The following DPP6 variants were observed in gnomAD, a reference collection of about 807,000 sequenced individuals.
The protein encoded by DPP6 is dipeptidyl peptidase like 6.
Under a neutral mutation model 122.6 loss-of-function variants are expected in DPP6, and 69 were observed. The observed-to-expected ratio is 0.56, with a 90% CI of 0.46 to 0.69. The LOEUF (loss-of-function observed/expected upper bound fraction) is 0.69. Ranked by LOEUF, DPP6 falls within the 30% of genes least tolerant of loss-of-function variation. DPP6 has a pLI of 0.00. For synonymous variants in DPP6, 418 were observed against 433.1 expected (o/e 0.97, Z 0.43); for missense variants, 928 against 1,116.9 (o/e 0.83, Z 2.41).
At chr7:154,417,951 G>T (rs180699299) in intron 1 of DPP6, among the ~76,000 whole-genome samples, 5 of 152,314 alleles carry the variant, frequency 3.3e-5, no homozygotes, top group Middle Eastern at 3.4e-3. Context: ...AATCATTTGT[G>T]TCTCTCCATG....
chr7:154,237,445 A>C lies in DPP6; in HGVS notation c.243+184382A>C, dbSNP rs1042516450. ...GTCTGACACCCAGTGTTAGGTTTAC[A>C]GTGTGCTGTGGGCCATTCATCTGGG... is the stretch of plus-strand genomic sequence containing the variant. On this transcript the variant is annotated intron_variant, in intron 1 of 25. Coordinates refer to ENST00000377770, the MANE Select transcript of DPP6 (RefSeq NM_130797.4). Among the ~76,000 whole-genome samples, 3 of 152,332 alleles carry C rather than the reference A, an allele frequency of 2.0e-5. 1 individual carries two copies. In the Middle Eastern group the frequency reaches 0.01, roughly 518 times the overall value.
chr7:154,782,847 G>T (rs897141454), intron 10 of DPP6, among the ~76,000 whole-genome samples: 1 of 152,006 alleles, frequency 6.6e-6, no homozygotes, highest in African/African-American at 2.4e-5. Flanking sequence ...GCAGTGGCAT[G>T]ATCTCGGCTC....
At chr7:154,767,513 G>A (rs896202480) in intron 8 of DPP6, among the ~76,000 whole-genome samples, 12 of 152,120 alleles carry the variant, frequency 7.9e-5, no homozygotes, top group African/African-American at 2.4e-4. Context: ...CTGCCAAAGC[G>A]ACTGGAAAAT....
At chr7:154,734,760 T>G (rs187165486) in intron 8 of DPP6, among the ~76,000 whole-genome samples, 12 of 152,342 alleles carry the variant, frequency 7.9e-5, no homozygotes, top group African/African-American at 2.6e-4. Flanking sequence ...AAACAAAAGC[T>G]TCACCACGTA....
chr7:154,127,654 C>CAG (rs1563226065), intron 1 of DPP6, among the ~76,000 whole-genome samples: 206 of 140,780 alleles, frequency 1.5e-3, no homozygotes, highest in African/African-American at 5.2e-3. Flanking sequence ...CACACACAGA[C>CAG]ACACACACAC....
In DPP6 at chr7:154,474,943, A is replaced by C; in HGVS notation, c.363A>C (p.Glu121Asp). The C allele has an allele frequency of 6.2e-7, 1 of 1,612,680 alleles. No homozygotes were observed. The highest frequency in any genetic ancestry group is 2.2e-5 in the East Asian group (1 of 44,878). Residue 121 changes from glutamate (E) to aspartate (D), a missense_variant, in exon 3 of 26, where the codon GAA becomes GAC. Coordinates refer to ENST00000377770, the MANE Select transcript of DPP6 (RefSeq NM_130797.4). ...VTSVILLTPA[E>D]DNSLSQKKKV... is the part of the protein sequence containing the mutation. The stretch of plus-strand genomic sequence containing the variant: ...TTGCTTTTTATTTTTTTCTAGCGGA[A>C]GATAATAGTCTGTCTCAAAAGAAGA...
In DPP6 at chr7:154,138,049, A is replaced by G. The variant is rs148542429; in HGVS notation, c.243+84986A>G. Among the ~76,000 whole-genome samples the G allele has an allele frequency of 5.4e-3, 825 of 152,318 alleles. 8 individuals carry two copies. Among genetic ancestry groups the G allele is most frequent in the South Asian group, 0.012 (60 of 4,828 alleles). On this transcript the variant is annotated intron_variant, in intron 1 of 25. Transcript: ENST00000377770. The stretch of plus-strand genomic sequence containing the variant: ...CAGAAAAACATAGACCAGTGTTCCT[A>G]AGATGCCAGCCTGGCTTCTGCTCCC...
chr7:154,286,123 C>A (rs1804832034), intron 1 of DPP6, among the ~76,000 whole-genome samples: 1 of 152,132 alleles, frequency 6.6e-6, no homozygotes, highest in East Asian at 1.9e-4. Context: ...GAAGAGATTC[C>A]ATTTTCCCAA....
chr7:154,241,514 C>T lies in DPP6; in HGVS notation c.243+188451C>T, dbSNP rs1029339760. Among the ~76,000 whole-genome samples, 5 of 151,954 alleles carry T rather than the reference C, an allele frequency of 3.3e-5. No individual in the cohort carries two copies. The highest frequency in any genetic ancestry group is 1.2e-4 in the African/African-American group (5 of 41,330). Reference sequence around the variant, plus strand: ...GAAGGAGGTTGCAGTGAGTTGTGGTCACTCCACTGCACTGCAGCCTGAGTA... The same window carrying T: ...GAAGGAGGTTGCAGTGAGTTGTGGTTACTCCACTGCACTGCAGCCTGAGTA... On this transcript the variant is annotated intron_variant, in intron 1 of 25. Transcript: ENST00000377770. This position sits in a 1 kb window ranked among gnomAD's most constrained non-coding sequence, Gnocchi z 9.0.
intron 1 of DPP6, among the ~76,000 whole-genome samples, chr7:154,294,131 C>G (rs78107797): frequency 0.061 from 9,306 of 152,246 alleles, 399 homozygotes; most frequent in Admixed American, 0.14. Flanking sequence ...GATGGGCAAC[C>G]CTTTATCTTA....
intron 25 of DPP6, chr7:154,890,543 C>T (rs1806510597): frequency 6.6e-6 from 1 of 152,200 alleles, no homozygotes; most frequent in South Asian, 2.1e-4. Context: ...ATGGACGCTC[C>T]AAAGGTCCAT....
chr7:154,288,080 C>A (rs147576818), intron 1 of DPP6, among the ~76,000 whole-genome samples: 6 of 152,312 alleles, frequency 3.9e-5, no homozygotes, highest in African/African-American at 1.4e-4. Flanking sequence ...TCTGGTTGTT[C>A]CCCGCAGTCA....
chr7:154,063,870 A>T (rs1407608678), intron 1 of DPP6, among the ~76,000 whole-genome samples: 1 of 151,516 alleles, frequency 6.6e-6, no homozygotes, highest in Non-Finnish European at 1.5e-5. Flanking sequence ...CCTAATAAAA[A>T]AGACAGTGAA....
chr7:154,311,581 G>A (rs1806894720), intron 1 of DPP6, among the ~76,000 whole-genome samples: 1 of 152,160 alleles, frequency 6.6e-6, no homozygotes, highest in East Asian at 1.9e-4. Flanking sequence ...TCTGCATGTG[G>A]CTGATATCCT....
At chr7:154,447,440 C>T (rs1819979065) in intron 2 of DPP6, among the ~76,000 whole-genome samples, 1 of 152,018 alleles carries the variant, frequency 6.6e-6, no homozygotes, top group Non-Finnish European at 1.5e-5. Context: ...TTTTAATTCT[C>T]AGTAAATACA....
At chr7:154,710,446 A>C (rs1015818651) in intron 7 of DPP6, among the ~76,000 whole-genome samples, 3 of 152,266 alleles carry the variant, frequency 2.0e-5, no homozygotes, top group African/African-American at 7.2e-5. Context: ...TCTGAGTGCC[A>C]GAGTGTTTCT....
chr7:154,406,201 G>T (rs930133470), intron 1 of DPP6, among the ~76,000 whole-genome samples: 1 of 152,150 alleles, frequency 6.6e-6, no homozygotes, highest in Non-Finnish European at 1.5e-5. Flanking sequence ...CCAGAAGTTT[G>T]CCAGCCAACC....
At chr7:154,697,108 A>G (rs1175201681) in intron 7 of DPP6, among the ~76,000 whole-genome samples, 1 of 152,196 alleles carries the variant, frequency 6.6e-6, no homozygotes, top group East Asian at 1.9e-4. Context: ...TGGAGAACCA[A>G]GGGTTTTCCC....
chr7:154,616,320 A>G (rs1260158401), intron 5 of DPP6, among the ~76,000 whole-genome samples: 1 of 152,174 alleles, frequency 6.6e-6, no homozygotes, highest in Non-Finnish European at 1.5e-5. Context: ...TCTGCATTCT[A>G]AAGACAGATT....
Sources: allele counts gnomAD v4.1 joint callset (sites outside exome capture counted in the v4.1 genomes callset), GRCh38; gene constraint gnomAD v4.1.1; non-coding constraint Gnocchi (gnomAD v3.1); transcripts MANE v1.5; gene names NCBI Gene and HGNC (gene_info 2026-07-23, HGNC 2026-07-21).